Variants in PIP5K1A observed in about 807,000 individuals in gnomAD.
PIP5K1A encodes the protein phosphatidylinositol-4-phosphate 5-kinase type 1 alpha, also known as phosphatidylinositol 4-phosphate 5-kinase type-1 alpha.
In PIP5K1A, 46 loss-of-function variants were observed where a neutral mutation model predicts 72.9. The ratio of observed to expected loss-of-function variants is 0.63; its 90% CI spans 0.50 to 0.81. The LOEUF (loss-of-function observed/expected upper bound fraction) is 0.81. PIP5K1A is among the 30% of genes least tolerant of loss of function. The pLI is 0.00. For synonymous variants in PIP5K1A, 228 were observed against 255.1 expected (o/e 0.89, Z 1.01); for missense variants, 458 against 706.1 (o/e 0.65, Z 3.98).
At chr1:151,231,644 T>C (rs1690094018) in intron 4 of PIP5K1A, 27 bp from the exon 5 acceptor site, 1 of 1,610,538 alleles carries the variant, frequency 6.2e-7, no homozygotes, top group Non-Finnish European at 8.5e-7. Context: ...TACTAGGAAT[T>C]TTCTTCTCAT....
At chr1:151,201,485 G>GA (rs1240120539) in intron 1 of PIP5K1A, among the ~76,000 whole-genome samples, 9 of 152,138 alleles carry the variant, frequency 5.9e-5, no homozygotes, top group African/African-American at 2.2e-4. Flanking sequence ...AAGTAGCTGG[G>GA]AATACAGGCA....
Position 151,198,708 on chromosome 1 carries a change from C to T in PIP5K1A, c.-289C>T. 8.5e-6 allele frequency: 4 copies of T among 468,566 alleles called. No homozygotes were observed. Among genetic ancestry groups the T allele is most frequent in the Middle Eastern group, 5.9e-4 (1 of 1,702 alleles). 29.0% of individuals were successfully genotyped at this position (468,566 alleles called of 1,614,324 possible). ...TGGTCTGGGCGCAAGGTCCCAGCAG[C>T]CAGCTTAAGCTTACTCTTCTGTGAA... On this transcript the variant is annotated 5_prime_UTR_variant, in exon 1 of 16. Transcript: ENST00000368888.
At chr1:151,204,240 G>A (rs1191367148) in intron 1 of PIP5K1A, among the ~76,000 whole-genome samples, 1 of 152,128 alleles carries the variant, frequency 6.6e-6, no homozygotes, top group Non-Finnish European at 1.5e-5. Flanking sequence ...GCAATGGCGC[G>A]ATCTCGGCTC....
At chr1:151,223,688 TAAAAA>T (rs1688718599) in intron 1 of PIP5K1A, among the ~76,000 whole-genome samples, 3 of 122,822 alleles carry the variant, frequency 2.4e-5, no homozygotes, top group Admixed American at 1.6e-4. Flanking sequence ...ATCTAAAAAA[TAAAAA>T]TTAAAAAAAA....
intron 4 of PIP5K1A, among the ~76,000 whole-genome samples, chr1:151,228,391 C>T (rs1056465958): frequency 6.6e-6 from 1 of 152,164 alleles, no homozygotes; most frequent in Non-Finnish European, 1.5e-5. Context: ...CTCAAGCATT[C>T]CTCCTACCTA....
At chr1:151,200,822 A>ATTTC (rs1484674613) in intron 1 of PIP5K1A, among the ~76,000 whole-genome samples, 7 of 151,292 alleles carry the variant, frequency 4.6e-5, no homozygotes, top group African/African-American at 1.7e-4. Context: ...GTATTTATTT[A>ATTTC]TTTATTTATT....
rs772619423 is a variant in PIP5K1A at position 151,227,303 on chromosome 1, C to T, written c.157-17C>T. ...TCTTACATGGGAATTGTATTATAAT[C>T]TTGACTCTTCTTCTAGGTGCCTTAT... On this transcript the variant is annotated splice_polypyrimidine_tract_variant and intron_variant, in intron 3 of 15. Coordinates refer to ENST00000368888, the MANE Select transcript of PIP5K1A (RefSeq NM_001135638.2). 4 of 1,551,946 alleles carry T rather than the reference C, an allele frequency of 2.6e-6. No individual in the cohort carries two copies. Among genetic ancestry groups the T allele is most frequent in the Middle Eastern group, 3.4e-4 (2 of 5,944 alleles).
intron 1 of PIP5K1A, among the ~76,000 whole-genome samples, chr1:151,215,221 A>G (rs1263787786): frequency 1.3e-5 from 2 of 149,358 alleles, no homozygotes; most frequent in Non-Finnish European, 3.0e-5. Context: ...TATTTTTAGT[A>G]AAGACGGGGT....
Position 151,224,292 on chromosome 1 carries a change from C to T in PIP5K1A, c.120+13C>T. On this transcript the variant is annotated intron_variant, in intron 2 of 15. Coordinates refer to ENST00000368888, the MANE Select transcript of PIP5K1A (RefSeq NM_001135638.2). ...CATGGCATCTGAGGTGAGTTTCATA[C>T]TGATACAATGGTTACTAAAACCTTA... is the stretch of plus-strand genomic sequence containing the variant. The T allele has an allele frequency of 6.2e-7, 1 of 1,611,714 alleles. No homozygotes were observed. Among genetic ancestry groups the T allele is most frequent in the Non-Finnish European group, 8.5e-7 (1 of 1,177,948 alleles).
At chr1:151,218,894 A>G (rs1217628734) in intron 1 of PIP5K1A, among the ~76,000 whole-genome samples, 1 of 151,038 alleles carries the variant, frequency 6.6e-6, no homozygotes, top group Non-Finnish European at 1.5e-5. Flanking sequence ...ATTAGGGATC[A>G]TGAATTGAAT....
chr1:151,212,614 C>T (rs891432149), intron 1 of PIP5K1A, among the ~76,000 whole-genome samples: 3 of 151,448 alleles, frequency 2.0e-5, no homozygotes, highest in East Asian at 1.9e-4. Flanking sequence ...CTCGCTCTGT[C>T]GCCAGGCTGG....
Position 151,198,767 on chromosome 1 carries a change from C to T in PIP5K1A, c.-230C>T, listed in dbSNP as rs1480846073. 1 of 614,546 alleles carries T rather than the reference C, an allele frequency of 1.6e-6. No individual in the cohort carries two copies. The highest frequency in any genetic ancestry group is 2.9e-6 in the Non-Finnish European group (1 of 343,994). 38.1% of individuals were successfully genotyped at this position (614,546 alleles called of 1,614,324 possible). ...GTATCCCCTGTGGAAAGCGGTTAAA[C>T]TTGTGGAGGGGGTGCGGGACGTGAG... is the stretch of plus-strand genomic sequence containing the variant. On this transcript the variant is annotated 5_prime_UTR_variant, in exon 1 of 16. Coordinates refer to ENST00000368888, the MANE Select transcript of PIP5K1A (RefSeq NM_001135638.2).
intron 1 of PIP5K1A, chr1:151,215,888 A>C (rs1687518487): frequency 1.3e-6 from 1 of 758,680 alleles, no homozygotes; most frequent in Admixed American, 2.3e-5. Context: ...AGTTTTAAAA[A>C]CATGTATGCT....
chr1:151,229,418 A>G (rs1223197580), intron 4 of PIP5K1A, among the ~76,000 whole-genome samples: 11 of 149,348 alleles, frequency 7.4e-5, no homozygotes, highest in Admixed American at 1.3e-4. Context: ...CTGGAGTGCA[A>G]TGGCGTGATC....
At chr1:151,243,177 C>T (rs1189763547) in intron 14 of PIP5K1A, among the ~76,000 whole-genome samples, 1 of 152,190 alleles carries the variant, frequency 6.6e-6, no homozygotes, top group African/African-American at 2.4e-5. Flanking sequence ...TTAGAAACTG[C>T]CTGTCATAGT....
At chr1:151,236,002 T>C (rs923919219) in intron 8 of PIP5K1A, among the ~76,000 whole-genome samples, 7 of 151,290 alleles carry the variant, frequency 4.6e-5, no homozygotes, top group Non-Finnish European at 1.0e-4. Flanking sequence ...GTGCCTGTAA[T>C]CCCAGCTACT....
At chr1:151,216,872 C>T (rs1231655540) in intron 1 of PIP5K1A, among the ~76,000 whole-genome samples, 1 of 151,380 alleles carries the variant, frequency 6.6e-6, no homozygotes, top group Non-Finnish European at 1.5e-5. Context: ...TTTTAACCAA[C>T]CTACCCAAGG....
At chr1:151,208,077 C>T (rs2101993123) in intron 1 of PIP5K1A, among the ~76,000 whole-genome samples, 1 of 151,858 alleles carries the variant, frequency 6.6e-6, no homozygotes, top group African/African-American at 2.4e-5. Flanking sequence ...TCAGGCTGTT[C>T]TCGAACTCCT....
rs1692799103 is a variant in PIP5K1A, at chr1:151,248,502, A to G, written c.*637A>G. On this transcript the variant is annotated 3_prime_UTR_variant, in exon 16 of 16. Coordinates refer to ENST00000368888, the MANE Select transcript of PIP5K1A (RefSeq NM_001135638.2). ...ATGCCTATTCGTAGAGTTCCCTCAG[A>G]AGAGCCATGGTGTTTATGAAGAGAA... 1 of 152,436 alleles carries G rather than the reference A, an allele frequency of 6.6e-6. No individual in the cohort carries two copies. Among genetic ancestry groups the G allele is most frequent in the African/African-American group, 2.4e-5 (1 of 41,420 alleles). 9.4% of individuals were successfully genotyped at this position (152,436 alleles called of 1,614,324 possible).
Sources: gnomAD v4.1 joint callset for allele counts (sites outside exome capture counted in the v4.1 genomes callset) on GRCh38, gnomAD v4.1.1 for gene constraint, MANE v1.5 for transcripts, NCBI Gene and HGNC (gene_info 2026-07-23, HGNC 2026-07-21) for gene names.